Variants in SPEN observed in about 807,000 individuals in gnomAD.
SPEN encodes the protein msx2-interacting protein.
SPEN carries 18 observed loss-of-function variants against 269.9 expected under a neutral mutation model. The ratio of observed to expected loss-of-function variants is 0.07; its 90% CI spans 0.05 to 0.10. The LOEUF (loss-of-function observed/expected upper bound fraction) is 0.10, where lower values mean the gene tolerates loss of function less well. Among genes scored for constraint, SPEN ranks in the 10% least tolerant of loss-of-function variants. SPEN has a pLI of 1.00. For missense variants in SPEN, 3,822 were observed against 4,631.2 expected (o/e 0.83, Z 5.07); for synonymous variants, 1,726 against 1,765.7 (o/e 0.98, Z 0.56).
At chr1:15,884,309 G>A (rs1282560279) in intron 3 of SPEN, among the ~76,000 whole-genome samples, 2 of 152,088 alleles carry the variant, frequency 1.3e-5, no homozygotes, top group African/African-American at 4.8e-5. Context: ...TTTCCTAGAG[G>A]GGGAATTTTA....
rs781317749 is a variant in SPEN, at chr1:15,935,226, A to G, written c.8986A>G (p.Thr2996Ala). The G allele has an allele frequency of 5.0e-6, 8 of 1,613,956 alleles. No individual in the cohort carries two copies. In the African/African-American group the frequency reaches 5.3e-5, roughly 11 times the overall value. The change falls in exon 11 of 15, where the codon ACA becomes GCA. Residue 2996 changes from threonine (T) to alanine (A), a missense_variant. This residue lies in a region of SPEN where 94 missense variants were observed against 90.4 expected (regional missense o/e 1.04). Transcript: ENST00000375759. The surrounding 1 kb of genome is among the most constrained non-coding windows in gnomAD (Gnocchi z 7.7). ...TCCTGCTCTGCCCAGCAAACTGCCT[A>G]CAGAAGTCAACCATGTCCCCTCGGG... ...HPPALPSKLP[T>A]EVNHVPSGPS...
intron 8 of SPEN, 139 bp downstream of exon 8, chr1:15,919,656 C>T (rs1253393623): frequency 2.0e-6 from 1 of 509,420 alleles, no homozygotes; most frequent in Non-Finnish European, 3.5e-6. Flanking sequence ...AAGATTTGGT[C>T]AATAAGGGCA....
intron 3 of SPEN, among the ~76,000 whole-genome samples, chr1:15,904,479 T>TAAAAAAACAAAAAAA (rs1557750239): frequency 1.2e-5 from 1 of 81,094 alleles, no homozygotes. Flanking sequence ...AAAAAAAAAG[T>TAAAAAAACAAAAAAA]GAACTAAAAA....
chr1:15,869,355 C>T (rs1338918979), intron 1 of SPEN, among the ~76,000 whole-genome samples: 2 of 151,778 alleles, frequency 1.3e-5, no homozygotes, highest in Admixed American at 1.3e-4. Flanking sequence ...CGTGCCCGGC[C>T]CTTTTGGTCT....
Position 15,935,497 on chromosome 1 carries a change from A to C in SPEN, c.9257A>C (p.Gln3086Pro). 6.2e-7 allele frequency: 1 copy of C among 1,613,948 alleles called. No individual in the cohort carries two copies. Among genetic ancestry groups the C allele is most frequent in the Non-Finnish European group, 8.5e-7 (1 of 1,179,978 alleles). ...SVIMPPHSITQTVSLSHLSQG... is the reference protein window; with the variant it reads ...SVIMPPHSITPTVSLSHLSQG... The stretch of plus-strand genomic sequence containing the variant: ...ATCATGCCACCCCACAGCATCACCC[A>C]GACTGTGTCCCTGAGCCACCTCTCC... Residue 3086 changes from glutamine to proline, a missense_variant, in exon 11 of 15, where the codon CAG (glutamine) becomes CCG (proline). Gln to Pro is a moderately conservative substitution (Grantham distance 76). Coordinates refer to ENST00000375759, the MANE Select transcript of SPEN (RefSeq NM_015001.3). This position sits in a 1 kb window ranked among gnomAD's most constrained non-coding sequence, Gnocchi z 7.7.
chr1:15,859,411 G>A (rs189787377), intron 1 of SPEN, among the ~76,000 whole-genome samples: 84 of 139,980 alleles, frequency 6.0e-4, no homozygotes, highest in African/African-American at 2.1e-3. Flanking sequence ...AGGCTGGAGT[G>A]CAGTGGCGGG....
intron 10 of SPEN, among the ~76,000 whole-genome samples, chr1:15,927,722 T>G (rs1478421692): frequency 6.6e-6 from 1 of 152,214 alleles, no homozygotes; most frequent in Non-Finnish European, 1.5e-5. Context: ...AAGCATAATG[T>G]AAGTTATATA....
intron 4 of SPEN, among the ~76,000 whole-genome samples, chr1:15,910,390 A>T (rs2071001390): frequency 6.6e-6 from 1 of 152,068 alleles, no homozygotes; most frequent in African/African-American, 2.4e-5. Flanking sequence ...ATGCTACATG[A>T]CACTTCTCAC....
At chr1:15,860,378 G>GGT (rs60005872) in intron 1 of SPEN, among the ~76,000 whole-genome samples, 49,489 of 120,882 alleles carry the variant, frequency 0.41, 11,049 homozygotes, top group Non-Finnish European at 0.51. Context: ...TAGCTTCAGA[G>GGT]GTGTGTGTGT....
intron 3 of SPEN, 63 bp downstream of exon 3, chr1:15,876,741 T>C (rs751641432): frequency 2.7e-5 from 33 of 1,204,318 alleles, no homozygotes; most frequent in Non-Finnish European, 3.9e-5. Flanking sequence ...CAACAATCAG[T>C]GGGAATGGTT....
At chr1:15,876,786 T>C (rs373949337) in intron 3 of SPEN, 108 bp downstream of exon 3, 2 of 862,672 alleles carry the variant, frequency 2.3e-6, no homozygotes, top group African/African-American at 1.7e-5. Flanking sequence ...TAATCTTGGA[T>C]CATATATGTA....
At position 15,932,692 on chromosome 1, in the gene SPEN, A is replaced by T; in HGVS notation, c.6452A>T (p.Glu2151Val). 1.2e-6 allele frequency: 2 copies of T among 1,614,160 alleles called. No homozygotes were observed. Among genetic ancestry groups the T allele is most frequent in the Non-Finnish European group, 1.7e-6 (2 of 1,180,028 alleles). Residue 2151 changes from glutamate (E) to valine (V), a missense_variant, in exon 11 of 15, where the codon GAA becomes GTA. By Grantham distance (121) the Glu-to-Val change is moderately radical (BLOSUM62 -2). Transcript: ENST00000375759. This position sits in a 1 kb window ranked among gnomAD's most constrained non-coding sequence, Gnocchi z 4.2. ...PVDPDKEPEK[E>V]DVSASGPSPE... ...GATCCAGACAAGGAACCAGAGAAAG[A>T]AGACGTGTCTGCCTCTGGGCCGTCC... is the stretch of plus-strand genomic sequence containing the variant.
chr1:15,905,622 G>T (rs1266064219), intron 3 of SPEN, among the ~76,000 whole-genome samples: 1 of 151,458 alleles, frequency 6.6e-6, no homozygotes, highest in Non-Finnish European at 1.5e-5. Flanking sequence ...CCCCAGGCTG[G>T]AGTGGAGTAG....
In SPEN at chr1:15,870,285, A is replaced by G. The variant is rs1161483021; in HGVS notation, c.84-2531A>G. 2.6e-5 allele frequency among the ~76,000 whole-genome samples: 4 copies of G among 152,170 alleles called. No individual in the cohort carries two copies. The East Asian group carries it at 7.7e-4, about 29-fold the overall frequency. On this transcript the variant is annotated intron_variant, in intron 1 of 14. Transcript: ENST00000375759. ...ATAAAAATGTGATCTTTTGGAAGTT[A>G]TATATTGGGTTTTAGTTGGGTGGGT...
Position 15,933,628 on chromosome 1 carries a change from G to A in SPEN, c.7388G>A (p.Ser2463Asn). The A allele has an allele frequency of 6.2e-7, 1 of 1,614,080 alleles. No individual in the cohort carries two copies. Among genetic ancestry groups the A allele is most frequent in the Non-Finnish European group, 8.5e-7 (1 of 1,180,018 alleles). ...IIESDPVTPP[S>N]DPSIPIPTLP... ...GAAAGTGACCCGGTGACCCCACCCAGCGATCCAAGCATCCCCATACCCACA... is the reference window on the plus strand; with the variant it reads ...GAAAGTGACCCGGTGACCCCACCCAACGATCCAAGCATCCCCATACCCACA... Residue 2463 changes from serine (S) to asparagine (N), a missense_variant, in exon 11 of 15, where the codon AGC becomes AAC. By Grantham distance (46) the Ser-to-Asn change is conservative. Around this residue, in one of 16 missense-constraint regions of SPEN, gnomAD observed 727 missense variants for 737.9 expected, o/e 0.99. Transcript: ENST00000375759. The surrounding 1 kb of genome is among the most constrained non-coding windows in gnomAD (Gnocchi z 5.7).
chr1:15,923,772 C>T (rs1023087410), intron 10 of SPEN, among the ~76,000 whole-genome samples: 8 of 151,542 alleles, frequency 5.3e-5, no homozygotes, highest in South Asian at 2.1e-4. Flanking sequence ...CTGGTTCAAG[C>T]GATTCTCCTG....
At position 15,936,102 on chromosome 1, in the gene SPEN, G is replaced by C; in HGVS notation, c.9862G>C (p.Val3288Leu). ...LQGLPLTPPV[V>L]VTHGVQIVHS... ...GGGGCTGCCTCTGACCCCTCCTGTG[G>C]TGGTGACCCATGGGGTGCAGATTGT... Residue 3288 changes from valine to leucine, a missense_variant, in exon 11 of 15, where the codon GTG (valine) becomes CTG (leucine). Coordinates refer to ENST00000375759, the MANE Select transcript of SPEN (RefSeq NM_015001.3). 6.2e-7 allele frequency: 1 copy of C among 1,610,532 alleles called. No individual in the cohort carries two copies. The highest frequency in any genetic ancestry group is 8.5e-7 in the Non-Finnish European group (1 of 1,177,568).
intron 1 of SPEN, among the ~76,000 whole-genome samples, chr1:15,858,476 C>G (rs994845503): frequency 1.3e-5 from 2 of 152,202 alleles, no homozygotes; most frequent in Admixed American, 6.5e-5. Context: ...TGATACAACA[C>G]TACCACCCAA....
intron 3 of SPEN, among the ~76,000 whole-genome samples, chr1:15,887,373 C>T (rs537029701): frequency 6.4e-4 from 96 of 150,912 alleles, no homozygotes; most frequent in Admixed American, 1.8e-3. Context: ...CTCCGCCTCC[C>T]GGGTTCACGC....
Sources: gnomAD v4.1 joint callset for allele counts (sites outside exome capture counted in the v4.1 genomes callset) on GRCh38, gnomAD v4.1.1 for gene constraint, gnomAD v4.1.1 regional missense constraint, Gnocchi (gnomAD v3.1) non-coding constraint, MANE v1.5 for transcripts, NCBI Gene and HGNC (gene_info 2026-07-23, HGNC 2026-07-21) for gene names.